Variants in SNTG1 observed in about 807,000 individuals in gnomAD.
SNTG1 encodes syntrophin gamma 1.
SNTG1 carries 39 observed loss-of-function variants against 74.7 expected under a neutral mutation model. That is an observed-to-expected ratio of 0.52 (90% confidence interval 0.40 to 0.68). The LOEUF (loss-of-function observed/expected upper bound fraction) is 0.68. Ranked by LOEUF, SNTG1 falls within the 30% of genes least tolerant of loss-of-function variation. The pLI, the probability that SNTG1 is intolerant of heterozygous loss-of-function variation, is 0.00. For synonymous variants in SNTG1, 254 were observed against 217.1 expected (o/e 1.17, Z -1.49); for missense variants, 685 against 609.5 (o/e 1.12, Z -1.30).
chr8:50,785,849 G>A (rs1302867613), intron 18 of SNTG1, among the ~76,000 whole-genome samples: 1 of 151,866 alleles, frequency 6.6e-6, no homozygotes, highest in African/African-American at 2.4e-5. Flanking sequence ...GGAATGTATG[G>A]TAGATATATA....
chr8:50,046,545 T>C (rs1819101251), intron 1 of SNTG1, among the ~76,000 whole-genome samples: 1 of 152,174 alleles, frequency 6.6e-6, no homozygotes, highest in South Asian at 2.1e-4. Context: ...TATTCTGAAA[T>C]CAAGAATCAT....
intron 6 of SNTG1, among the ~76,000 whole-genome samples, chr8:50,450,057 A>C (rs747479851): frequency 1.3e-5 from 2 of 152,236 alleles, no homozygotes; most frequent in Non-Finnish European, 2.9e-5. Flanking sequence ...AGACAATTTC[A>C]AGTGTCTGTT....
intron 1 of SNTG1, among the ~76,000 whole-genome samples, chr8:50,050,729 C>T (rs1819498607): frequency 6.6e-6 from 1 of 151,886 alleles, no homozygotes; most frequent in Non-Finnish European, 1.5e-5. Context: ...GCAAATATAT[C>T]ACATGAAAAG....
chr8:50,414,338 A>T (rs534230050), intron 4 of SNTG1, among the ~76,000 whole-genome samples: 1 of 152,310 alleles, frequency 6.6e-6, no homozygotes, highest in Admixed American at 6.5e-5. Context: ...ACAAAATCTC[A>T]GAAATGGTTT....
intron 13 of SNTG1, among the ~76,000 whole-genome samples, chr8:50,604,724 T>C (rs542342740): frequency 6.6e-6 from 1 of 152,278 alleles, no homozygotes; most frequent in East Asian, 1.9e-4. Context: ...AATAGCCTGC[T>C]TGGTGCTCTA....
chr8:50,784,342 T>C (rs937629512), intron 18 of SNTG1, among the ~76,000 whole-genome samples: 15 of 152,120 alleles, frequency 9.9e-5, no homozygotes, highest in Non-Finnish European at 1.2e-4. Context: ...AATAAAAGGA[T>C]ACAAATATAT....
chr8:50,383,983 A>G (rs919073482), intron 2 of SNTG1, among the ~76,000 whole-genome samples: 6 of 152,216 alleles, frequency 3.9e-5, no homozygotes, highest in Admixed American at 2.6e-4. Flanking sequence ...CTGTGGAATG[A>G]AGACCTCTAA....
At chr8:50,320,630 T>C (rs1024852173) in intron 2 of SNTG1, among the ~76,000 whole-genome samples, 2 of 152,086 alleles carry the variant, frequency 1.3e-5, no homozygotes, top group Non-Finnish European at 2.9e-5. Context: ...CTCTTCTTCT[T>C]TTTTAATGTA....
intron 13 of SNTG1, among the ~76,000 whole-genome samples, chr8:50,638,796 C>T (rs917253024): frequency 2.0e-5 from 3 of 151,954 alleles, no homozygotes; most frequent in African/African-American, 4.8e-5. Context: ...AGGATTTCTC[C>T]AAAAATCAAA....
intron 1 of SNTG1, among the ~76,000 whole-genome samples, chr8:49,915,802 A>G (rs183117628): frequency 1.3e-5 from 2 of 152,294 alleles, no homozygotes; most frequent in Non-Finnish European, 2.9e-5. Flanking sequence ...AAATGTGGAC[A>G]ACATGCGGGC....
chr8:50,736,875 A>G (rs1004613768), intron 17 of SNTG1, among the ~76,000 whole-genome samples: 1 of 152,132 alleles, frequency 6.6e-6, no homozygotes, highest in Admixed American at 6.6e-5. Flanking sequence ...GAGAATAAAG[A>G]CACAACGTAC....
chr8:50,744,585 C>A (rs769439578), intron 17 of SNTG1, among the ~76,000 whole-genome samples: 1 of 151,852 alleles, frequency 6.6e-6, no homozygotes, highest in Non-Finnish European at 1.5e-5. Flanking sequence ...TAAGGATCCC[C>A]AAATACCCAA....
At chr8:50,109,303 C>T (rs993684911) in intron 1 of SNTG1, among the ~76,000 whole-genome samples, 1 of 152,160 alleles carries the variant, frequency 6.6e-6, no homozygotes, top group African/African-American at 2.4e-5. Context: ...CAATTAATAC[C>T]TAATTCATGA....
chr8:50,667,468 A>C (rs1401171161), intron 15 of SNTG1, among the ~76,000 whole-genome samples: 1 of 152,024 alleles, frequency 6.6e-6, no homozygotes, highest in East Asian at 1.9e-4. Context: ...GTGAAGGTCT[A>C]CCAGTTGTGT....
intron 18 of SNTG1, among the ~76,000 whole-genome samples, chr8:50,764,134 A>T (rs1031584258): frequency 6.6e-6 from 1 of 151,808 alleles, no homozygotes; most frequent in Non-Finnish European, 1.5e-5. Context: ...GTTCAGGAGA[A>T]TGAAATTGGG....
At chr8:50,739,805 A>T (rs951051095) in intron 17 of SNTG1, among the ~76,000 whole-genome samples, 2 of 152,018 alleles carry the variant, frequency 1.3e-5, no homozygotes, top group African/African-American at 2.4e-5. Flanking sequence ...AGAATGGGGA[A>T]CCCAGAAATA....
At chr8:50,420,043 T>G (rs1420029618) in intron 4 of SNTG1, among the ~76,000 whole-genome samples, 1 of 151,994 alleles carries the variant, frequency 6.6e-6, no homozygotes, top group East Asian at 1.9e-4. Context: ...CATGAAAATG[T>G]GACAGAAGTT....
intron 2 of SNTG1, among the ~76,000 whole-genome samples, chr8:50,384,091 G>A (rs1445338630): frequency 6.6e-6 from 1 of 152,186 alleles, no homozygotes. Flanking sequence ...CTAAACTCAT[G>A]AATTCTGGTA....
At chr8:50,292,006 T>C (rs1476932084) in intron 2 of SNTG1, among the ~76,000 whole-genome samples, 3 of 152,058 alleles carry the variant, frequency 2.0e-5, no homozygotes, top group Non-Finnish European at 4.4e-5. Context: ...TGTGTGTGTG[T>C]GCTCTAATGT....
Sources: allele counts gnomAD v4.1 joint callset (sites outside exome capture counted in the v4.1 genomes callset), GRCh38; gene constraint gnomAD v4.1.1; transcripts MANE v1.5; gene names NCBI Gene and HGNC (gene_info 2026-07-23, HGNC 2026-07-21).